Variants in KIRREL3 observed in about 807,000 individuals in gnomAD.
KIRREL3 encodes the protein kirre like nephrin family adhesion molecule 3.
Under a neutral mutation model 89.7 loss-of-function variants are expected in KIRREL3, and 36 were observed. That is an observed-to-expected ratio of 0.40 (90% CI 0.31 to 0.53). KIRREL3 has a LOEUF of 0.53. Ranked by LOEUF, KIRREL3 falls within the 20% of genes least tolerant of loss-of-function variation. The pLI, the probability that KIRREL3 is intolerant of heterozygous loss-of-function variation, is 0.49. For missense variants in KIRREL3, 864 were observed against 1,056.6 expected, an observed-to-expected ratio of 0.82 and a Z score of 2.53; for synonymous variants, 445 against 441.4, an observed-to-expected ratio of 1.01 and a Z score of -0.10.
chr11:126,804,479 TA>T (rs1284439862), intron 1 of KIRREL3, among the ~76,000 whole-genome samples: 12 of 152,240 alleles, frequency 7.9e-5, no homozygotes, highest in African/African-American at 2.6e-4. Flanking sequence ...TTGTGGAAAG[TA>T]AAAAGACAGC....
At chr11:126,726,338 CT>C (rs1421944136) in intron 1 of KIRREL3, among the ~76,000 whole-genome samples, 2 of 152,116 alleles carry the variant, frequency 1.3e-5, no homozygotes, top group Non-Finnish European at 2.9e-5. Context: ...ATCCTGTTGG[CT>C]TTATGAAAAA....
intron 1 of KIRREL3, among the ~76,000 whole-genome samples, chr11:126,826,163 GTC>G (rs1943404333): frequency 6.6e-6 from 1 of 152,098 alleles, no homozygotes; most frequent in African/African-American, 2.4e-5. Context: ...TGAAACCTCT[GTC>G]TGTGTGGTCA....
chr11:126,482,708 C>T (rs1957255541), intron 4 of KIRREL3, among the ~76,000 whole-genome samples: 2 of 152,168 alleles, frequency 1.3e-5, no homozygotes, highest in Admixed American at 1.3e-4. Flanking sequence ...CCTGCTTTGC[C>T]CTGCTGGGAG....
chr11:126,425,633 C>G lies in KIRREL3; in HGVS notation c.1893+5G>C. ...CTGTGTCTTATAACCCGGGGCCCTT[C>G]TTACCTTCAGGTTCTGAAACTCTTT... On this transcript the variant is annotated splice_donor_5th_base_variant and intron_variant, in intron 16 of 16. Transcript: ENST00000525144. The G allele has an allele frequency of 6.3e-7, 1 of 1,575,948 alleles. No homozygotes were observed. Among genetic ancestry groups the G allele is most frequent in the Non-Finnish European group, 8.6e-7 (1 of 1,158,926 alleles).
chr11:126,449,774 C>A (rs550194075), intron 7 of KIRREL3, among the ~76,000 whole-genome samples: 17 of 152,328 alleles, frequency 1.1e-4, no homozygotes, highest in Admixed American at 1.1e-3. Context: ...CCTCTCTTTC[C>A]TCTTGACAAG....
intron 1 of KIRREL3, among the ~76,000 whole-genome samples, chr11:126,956,071 C>T (rs117619285): frequency 0.053 from 8,016 of 152,280 alleles, 284 homozygotes; most frequent in Middle Eastern, 0.13. Flanking sequence ...TGCCCACCTG[C>T]TTGCAAGTCC....
In KIRREL3 at chr11:126,768,179, ATCC is replaced by A. The variant is rs1353310968; in HGVS notation, c.56-205270_56-205268del. Among the ~76,000 whole-genome samples the A allele has an allele frequency of 4.7e-4, 26 of 55,364 alleles. No individual in the cohort carries two copies. Among genetic ancestry groups the A allele is most frequent in the East Asian group, 3.7e-3 (2 of 546 alleles). 36.3% of individuals were successfully genotyped at this position (55,364 alleles called of 152,430 possible). On this transcript the variant is annotated intron_variant, in intron 1 of 16. Transcript: ENST00000525144. The surrounding 1 kb of genome is among the most constrained non-coding windows in gnomAD (Gnocchi z 4.5). ...ATCCATCCATCCATCCAATCCATCC[ATCC>A]ATCCATCCATCCATCCATCCATCCA...
At chr11:126,572,471 G>T (rs552235629) in intron 1 of KIRREL3, among the ~76,000 whole-genome samples, 1 of 152,338 alleles carries the variant, frequency 6.6e-6, no homozygotes, top group East Asian at 1.9e-4. Flanking sequence ...AGGCCCATTT[G>T]GTTCCAGAGC....
Position 126,530,576 on chromosome 11 carries a change from C to T in KIRREL3, c.134-3889G>A, listed in dbSNP as rs956229215. On this transcript the variant is annotated intron_variant, in intron 2 of 16. Transcript: ENST00000525144. This position sits in a 1 kb window ranked among gnomAD's most constrained non-coding sequence, Gnocchi z 5.8. ...AGGCACTGTGCTGTCTGGTGAGGAGCAGGGGAACAGGCCTGGCCACCCCTC... is the reference window on the plus strand; with the variant it reads ...AGGCACTGTGCTGTCTGGTGAGGAGTAGGGGAACAGGCCTGGCCACCCCTC... Among the ~76,000 whole-genome samples, 2 of 152,192 alleles carry T rather than the reference C, an allele frequency of 1.3e-5. No homozygotes were observed. The highest frequency in any genetic ancestry group is 4.8e-5 in the African/African-American group (2 of 41,446).
chr11:126,793,689 A>C lies in KIRREL3; in HGVS notation c.55+206766T>G, dbSNP rs184473706. Among the ~76,000 whole-genome samples the C allele has an allele frequency of 3.9e-3, 591 of 152,360 alleles. 4 individuals are homozygous for C. The highest frequency in any genetic ancestry group is 0.014 in the African/African-American group (566 of 41,578). Reference sequence around the variant, plus strand: ...TTTGAGAGACTAAACTATTTCACCCAAAATGACTGAGAATTAACTAAGGAA... The same window carrying C: ...TTTGAGAGACTAAACTATTTCACCCCAAATGACTGAGAATTAACTAAGGAA... On this transcript the variant is annotated intron_variant, in intron 1 of 16. Coordinates refer to ENST00000525144, the MANE Select transcript of KIRREL3 (RefSeq NM_032531.4).
chr11:126,554,022 C>T (rs1490043707), intron 2 of KIRREL3, among the ~76,000 whole-genome samples: 3 of 152,162 alleles, frequency 2.0e-5, no homozygotes, highest in East Asian at 1.9e-4. Flanking sequence ...GCACTGTCCA[C>T]GTGTTGATCG....
chr11:126,560,747 G>A (rs1940057207), intron 2 of KIRREL3, among the ~76,000 whole-genome samples: 1 of 152,164 alleles, frequency 6.6e-6, no homozygotes, highest in South Asian at 2.1e-4. Flanking sequence ...TTCTAAATGG[G>A]AAATACAATG....
rs911607102 is a variant in KIRREL3, at chr11:126,576,256, T to C, written c.56-13344A>G. Among the ~76,000 whole-genome samples the C allele has an allele frequency of 3.9e-5, 6 of 152,232 alleles. No homozygotes were observed. The highest frequency in any genetic ancestry group is 1.4e-4 in the African/African-American group (6 of 41,462). ...TCCTCCTACCTTCATTTGTCCTTCC[T>C]TTTACAGAACTATAAGTCAGCCTCA... On this transcript the variant is annotated intron_variant, in intron 1 of 16. Coordinates refer to ENST00000525144, the MANE Select transcript of KIRREL3 (RefSeq NM_032531.4). This position sits in a 1 kb window ranked among gnomAD's most constrained non-coding sequence, Gnocchi z 5.4.
chr11:126,942,683 G>A (rs1948491504), intron 1 of KIRREL3, among the ~76,000 whole-genome samples: 1 of 152,216 alleles, frequency 6.6e-6, no homozygotes, highest in African/African-American at 2.4e-5. Flanking sequence ...AAGTCCTTCA[G>A]TGTAATGCAA....
In KIRREL3 at chr11:126,896,216, G is replaced by A. The variant is rs555079635; in HGVS notation, c.55+104239C>T. Among the ~76,000 whole-genome samples the A allele has an allele frequency of 6.6e-6, 1 of 152,344 alleles. No homozygotes were observed. Among genetic ancestry groups the A allele is most frequent in the African/African-American group, 2.4e-5 (1 of 41,580 alleles). On this transcript the variant is annotated intron_variant, in intron 1 of 16. Transcript: ENST00000525144. This position sits in a 1 kb window ranked among gnomAD's most constrained non-coding sequence, Gnocchi z 4.1. ...GAGAAGTCATTCTCCAGGACTCTGT[G>A]AGTTCTCTAATCCACTGCTAGGCAG...
rs992214491 is a variant in KIRREL3, at chr11:126,788,459, C to T, written c.55+211996G>A. On this transcript the variant is annotated intron_variant, in intron 1 of 16. Coordinates refer to ENST00000525144, the MANE Select transcript of KIRREL3 (RefSeq NM_032531.4). The surrounding 1 kb of genome is among the most constrained non-coding windows in gnomAD (Gnocchi z 4.1). Reference sequence around the variant, plus strand: ...CTCTGTCCATGTTCTAACAGGAGCTCTGCAGAGTGGCAAACACTCCTGTCA... The same window carrying T: ...CTCTGTCCATGTTCTAACAGGAGCTTTGCAGAGTGGCAAACACTCCTGTCA... Among the ~76,000 whole-genome samples, 2 of 152,214 alleles carry T rather than the reference C, an allele frequency of 1.3e-5. No individual in the cohort carries two copies. The highest frequency in any genetic ancestry group is 4.8e-5 in the African/African-American group (2 of 41,446).
At chr11:126,756,490 T>C (rs1168267463) in intron 1 of KIRREL3, among the ~76,000 whole-genome samples, 1 of 152,250 alleles carries the variant, frequency 6.6e-6, no homozygotes, top group Non-Finnish European at 1.5e-5. Context: ...AGAAGGCATG[T>C]CTTCTGGATG....
rs1392828796 is a variant in KIRREL3, at chr11:126,521,213, C to T, written c.433+102G>A. On this transcript the variant is annotated intron_variant, in intron 4 of 16. Transcript: ENST00000525144. The surrounding 1 kb of genome is among the most constrained non-coding windows in gnomAD (Gnocchi z 4.1). Reference sequence around the variant, plus strand: ...GTCTGGAGCCCTGTGGGATGATCCCCAGAGGGGAGTCTCCCCATGTCTGAC... The same window carrying T: ...GTCTGGAGCCCTGTGGGATGATCCCTAGAGGGGAGTCTCCCCATGTCTGAC... The T allele has an allele frequency of 2.4e-6, 3 of 1,271,036 alleles. No homozygotes were observed. Among genetic ancestry groups the T allele is most frequent in the African/African-American group, 1.5e-5 (1 of 66,176 alleles). 78.7% of individuals were successfully genotyped at this position (1,271,036 alleles called of 1,614,324 possible). A position where few individuals can be genotyped will look rare whatever the true frequency, so the allele number is the denominator to read the frequency against.
chr11:126,451,604 A>G (rs1217919666), intron 7 of KIRREL3, among the ~76,000 whole-genome samples: 9 of 109,896 alleles, frequency 8.2e-5, no homozygotes, highest in African/African-American at 2.5e-4. Flanking sequence ...ATGTGTGAGC[A>G]TGTGCATGTG....
Sources: gnomAD v4.1 joint callset for allele counts (sites outside exome capture counted in the v4.1 genomes callset) on GRCh38, gnomAD v4.1.1 for gene constraint, Gnocchi (gnomAD v3.1) non-coding constraint, MANE v1.5 for transcripts, NCBI Gene and HGNC (gene_info 2026-07-23, HGNC 2026-07-21) for gene names.